ENTPD1: variants seen among roughly 807,000 people sequenced by gnomAD.
ENTPD1 encodes ectonucleoside triphosphate diphosphohydrolase 1.
ENTPD1 carries 33 observed loss-of-function variants against 57.0 expected under a neutral mutation model. The observed-to-expected ratio is 0.58, with a 90% CI of 0.44 to 0.77. ENTPD1 has a LOEUF of 0.77. Ranked by LOEUF, ENTPD1 falls within the 30% of genes least tolerant of loss-of-function variation. The probability of loss-of-function intolerance (pLI) is 0.00; values close to 1 mark genes in which losing one functional copy is unlikely to be tolerated. For synonymous variants in ENTPD1, 202 were observed against 218.8 expected (o/e 0.92, Z 0.68); for missense variants, 501 against 603.4 (o/e 0.83, Z 1.78).
chr10:95,771,558 G>A (rs578207217), intron 1 of ENTPD1, among the ~76,000 whole-genome samples: 1 of 152,216 alleles, frequency 6.6e-6, no homozygotes, highest in Non-Finnish European at 1.5e-5. Flanking sequence ...TTCCTACCAT[G>A]CTTTCTATAG....
At chr10:95,829,030 C>T (rs1039058623) in intron 2 of ENTPD1, among the ~76,000 whole-genome samples, 9 of 152,086 alleles carry the variant, frequency 5.9e-5, no homozygotes, top group African/African-American at 2.2e-4. Context: ...TTATAGATAA[C>T]AAAATCAAAG....
intron 8 of ENTPD1, among the ~76,000 whole-genome samples, chr10:95,864,148 G>A (rs2098470035): frequency 6.6e-6 from 1 of 152,238 alleles, no homozygotes; most frequent in Non-Finnish European, 1.5e-5. Context: ...GATGTTGGCA[G>A]TGCTAGCAGT....
At chr10:95,723,088 G>T (rs2097979344) in intron 1 of ENTPD1, among the ~76,000 whole-genome samples, 1 of 152,186 alleles carries the variant, frequency 6.6e-6, no homozygotes, top group Admixed American at 6.5e-5. Context: ...GCTGCGGGTT[G>T]TCAGTGGTCT....
At chr10:95,703,781 CAAA>C in the ENTPD1 span, among the ~76,000 whole-genome samples, 37,467 of 73,446 alleles carry the variant, frequency 0.51, 7,781 homozygotes, top group East Asian at 0.7. Context: ...GACTCTGTCT[CAAA>C]AAAAAAAAAA....
At position 95,874,486 on chromosome 10, in the gene ENTPD1, G is replaced by C. The variant is rs527558815; in HGVS notation, c.*8103G>C. ...GCAGAGTACAGCCTCCCTCCTGGCTGCTTTCTCAGGCTGATGTTGAGTGTC... is the reference window on the plus strand; with the variant it reads ...GCAGAGTACAGCCTCCCTCCTGGCTCCTTTCTCAGGCTGATGTTGAGTGTC... On this transcript the variant is annotated 3_prime_UTR_variant, in exon 10 of 10. Coordinates refer to ENST00000371205, the MANE Select transcript of ENTPD1 (RefSeq NM_001776.6). 6.6e-6 allele frequency among the ~76,000 whole-genome samples: 1 copy of C among 152,324 alleles called. No individual in the cohort carries two copies. The highest frequency in any genetic ancestry group is 1.9e-4 in the East Asian group (1 of 5,178).
chr10:95,802,690 G>A (rs531477572), intron 1 of ENTPD1, among the ~76,000 whole-genome samples: 1 of 152,254 alleles, frequency 6.6e-6, no homozygotes, highest in African/African-American at 2.4e-5. Context: ...TCCCACCTAT[G>A]AGTGAGAACA....
intron 7 of ENTPD1, among the ~76,000 whole-genome samples, chr10:95,860,229 T>C (rs1242711544): frequency 1.3e-5 from 2 of 152,222 alleles, no homozygotes; most frequent in Non-Finnish European, 2.9e-5. Context: ...TCTTTCTCCC[T>C]GACTCTTCTA....
chr10:95,751,656 A>T (rs2098012193), upstream of ENTPD1, among the ~76,000 whole-genome samples: 1 of 150,958 alleles, frequency 6.6e-6, no homozygotes. Context: ...CAGAGGTTGC[A>T]GTGAGTCAAG....
the ENTPD1 span, among the ~76,000 whole-genome samples, chr10:95,705,277 A>ATGTGTGTGTGTGTGTG: frequency 0.01 from 1,513 of 150,166 alleles, 16 homozygotes; most frequent in Non-Finnish European, 0.016. Flanking sequence ...CCAGTAGAAA[A>ATGTGTGTGTGTGTGTG]TGTGTGTGTG....
At chr10:95,824,287 C>G (rs3176888) in intron 2 of ENTPD1, among the ~76,000 whole-genome samples, 16,128 of 152,174 alleles carry the variant, frequency 0.11, 1,032 homozygotes, top group Middle Eastern at 0.22. Flanking sequence ...CCATGGAGGC[C>G]TGGGAATACA....
chr10:95,808,494 G>T (rs1420391178), intron 1 of ENTPD1, among the ~76,000 whole-genome samples: 42 of 152,198 alleles, frequency 2.8e-4, no homozygotes, highest in Admixed American at 2.7e-3. Flanking sequence ...CAGCAGGAAT[G>T]ATACCAGGTC....
At chr10:95,709,368 T>C (rs966059776), upstream of ENTPD1, among the ~76,000 whole-genome samples, 1 of 152,148 alleles carries the variant, frequency 6.6e-6, no homozygotes, top group Admixed American at 6.6e-5. Context: ...CTTATTTTTT[T>C]TTTCTGTTTG....
intron 7 of ENTPD1, among the ~76,000 whole-genome samples, chr10:95,856,296 AC>A (rs748721327): frequency 8.5e-5 from 13 of 152,190 alleles, no homozygotes; most frequent in Non-Finnish European, 1.6e-4. Flanking sequence ...GTGAGACACT[AC>A]CTTACTCTCC....
At position 95,770,252 on chromosome 10, in the gene ENTPD1, A is replaced by AGTGTGT. The variant is rs1286103838; in HGVS notation, c.16+14000_16+14001insTGTGTG. 9.9e-3 allele frequency among the ~76,000 whole-genome samples: 1,137 copies of AGTGTGT among 115,312 alleles called. 9 individuals carry two copies. Among genetic ancestry groups the AGTGTGT allele is most frequent in the Non-Finnish European group, 0.012 (709 of 57,952 alleles). 75.6% of individuals were successfully genotyped at this position (115,312 alleles called of 152,430 possible). On this transcript the variant is annotated intron_variant, in intron 1 of 9. Transcript: ENST00000371205. ...TTGAGAGAGAGAGAGAGAGTGAGTGAGTGAGTGTGTGTGTGTGTGTGTGTG... is the reference window on the plus strand; with the variant it reads ...TTGAGAGAGAGAGAGAGAGTGAGTGAGTGTGTGTGAGTGTGTGTGTGTGTGTGTGTG...
intron 1 of ENTPD1, among the ~76,000 whole-genome samples, chr10:95,804,426 G>A (rs980233509): frequency 3.3e-5 from 5 of 152,116 alleles, no homozygotes; most frequent in African/African-American, 1.2e-4. Flanking sequence ...GGATTCCTAG[G>A]TATTTTATTC....
At chr10:95,798,116 G>GT (rs2098234048) in intron 1 of ENTPD1, among the ~76,000 whole-genome samples, 1 of 152,152 alleles carries the variant, frequency 6.6e-6, no homozygotes, top group Non-Finnish European at 1.5e-5. Flanking sequence ...AAAACCTGGT[G>GT]TCATGGGAGC....
chr10:95,836,232 T>A (rs1438952773), intron 2 of ENTPD1, among the ~76,000 whole-genome samples: 2 of 152,194 alleles, frequency 1.3e-5, no homozygotes, highest in Non-Finnish European at 2.9e-5. Context: ...CATAGCTTTG[T>A]GGTTTAAAGT....
intron 1 of ENTPD1, among the ~76,000 whole-genome samples, chr10:95,762,981 A>T (rs1409561755): frequency 1.3e-5 from 2 of 152,078 alleles, no homozygotes; most frequent in African/African-American, 2.4e-5. Flanking sequence ...GTTTATTATA[A>T]TACTTATTTG....
rs1361222253 is a variant in ENTPD1, at chr10:95,847,618, T to G, written c.986T>G (p.Ile329Ser). Residue 329 changes from isoleucine to serine, a missense_variant, in exon 7 of 10, where the codon ATC becomes AGC. Physicochemically the swap from Ile to Ser is moderately radical, Grantham distance 142. Coordinates refer to ENST00000371205, the MANE Select transcript of ENTPD1 (RefSeq NM_001776.6). ...IGNYQQCHQSILELFNTSYCP... is the reference protein window; with the variant it reads ...IGNYQQCHQSSLELFNTSYCP... ...AACTATCAACAATGCCATCAAAGCA[T>G]CCTGGAGCTCTTCAACACCAGTTAC... 6.2e-7 allele frequency: 1 copy of G among 1,614,206 alleles called. No homozygotes were observed. Among genetic ancestry groups the G allele is most frequent in the Non-Finnish European group, 8.5e-7 (1 of 1,180,032 alleles).
Sources: gnomAD v4.1 joint callset for allele counts (sites outside exome capture counted in the v4.1 genomes callset) on GRCh38, gnomAD v4.1.1 for gene constraint, MANE v1.5 for transcripts, NCBI Gene and HGNC (gene_info 2026-07-23, HGNC 2026-07-21) for gene names.